PLEKHA7: variants seen among roughly 807,000 people sequenced by gnomAD.
PLEKHA7 encodes pleckstrin homology domain containing A7.
PLEKHA7 carries 104 observed loss-of-function variants against 170.0 expected under a neutral mutation model. That is an observed-to-expected ratio of 0.61 (90% CI 0.52 to 0.72). The LOEUF (loss-of-function observed/expected upper bound fraction) is 0.72. Ranked by LOEUF, PLEKHA7 falls within the 30% of genes least tolerant of loss-of-function variation. The pLI, the probability that PLEKHA7 is intolerant of heterozygous loss-of-function variation, is 0.00. For missense variants in PLEKHA7, 1,615 were observed against 1,671.7 expected (o/e 0.97, Z 0.59); for synonymous variants, 648 against 660.8 (o/e 0.98, Z 0.30).
chr11:17,007,320 G>GA (rs1285367997), intron 3 of PLEKHA7, among the ~76,000 whole-genome samples: 12 of 151,624 alleles, frequency 7.9e-5, no homozygotes, highest in South Asian at 4.2e-4. Flanking sequence ...ACATTAAATA[G>GA]AAAAAAAAAT....
intron 19 of PLEKHA7, among the ~76,000 whole-genome samples, chr11:16,792,597 G>A (rs892840252): frequency 6.6e-6 from 1 of 151,920 alleles, no homozygotes; most frequent in Non-Finnish European, 1.5e-5. Context: ...ACTTCTGGCA[G>A]ACAGGAAGCA....
intron 4 of PLEKHA7, among the ~76,000 whole-genome samples, chr11:16,856,559 AG>A (rs1469845058): frequency 6.6e-6 from 1 of 152,142 alleles, no homozygotes; most frequent in Non-Finnish European, 1.5e-5. Context: ...TTGGGCCCCC[AG>A]TAAGAATATC....
intron 3 of PLEKHA7, among the ~76,000 whole-genome samples, chr11:16,997,859 C>G (rs550118589): frequency 6.6e-6 from 1 of 152,170 alleles, no homozygotes. Flanking sequence ...CTGACCTGTG[C>G]GAAGCTCGAG....
At chr11:16,858,539 C>G (rs2135502728) in intron 4 of PLEKHA7, among the ~76,000 whole-genome samples, 1 of 150,742 alleles carries the variant, frequency 6.6e-6, no homozygotes, top group Non-Finnish European at 1.5e-5. Flanking sequence ...GTTGCCCAGG[C>G]TGGAGTGCAA....
At chr11:16,955,628 C>T (rs1445186761) in intron 3 of PLEKHA7, among the ~76,000 whole-genome samples, 1 of 152,124 alleles carries the variant, frequency 6.6e-6, no homozygotes, top group Non-Finnish European at 1.5e-5. Flanking sequence ...AAAATAACTG[C>T]TTAGATGGAG....
intron 3 of PLEKHA7, among the ~76,000 whole-genome samples, chr11:16,920,850 C>T (rs1859035460): frequency 6.6e-6 from 1 of 152,236 alleles, no homozygotes; most frequent in Non-Finnish European, 1.5e-5. Context: ...TAGAGCCTCA[C>T]CCGTGGTATC....
At chr11:16,806,961 G>A (rs895351101) in intron 13 of PLEKHA7, among the ~76,000 whole-genome samples, 17 of 152,352 alleles carry the variant, frequency 1.1e-4, no homozygotes, top group African/African-American at 3.6e-4. Flanking sequence ...CAGATGAGAG[G>A]CTCAGCCTGG....
In PLEKHA7 at chr11:16,813,566, T is replaced by C. The variant is rs182315127; in HGVS notation, c.1954-400A>G. Reference sequence around the variant, plus strand: ...ACTCCAATTCCATCCATCAAACCTTTGGTCTGGATCACTTCACATGCATGA... The same window carrying C: ...ACTCCAATTCCATCCATCAAACCTTCGGTCTGGATCACTTCACATGCATGA... On this transcript the variant is annotated intron_variant, in intron 12 of 26. Transcript: ENST00000531066. 7.4e-4 allele frequency among the ~76,000 whole-genome samples: 112 copies of C among 152,270 alleles called. 1 individual carries two copies. The highest frequency in any genetic ancestry group is 2.6e-3 in the African/African-American group (109 of 41,554).
chr11:16,845,879 T>C (rs1387663396), intron 8 of PLEKHA7, among the ~76,000 whole-genome samples: 1 of 152,018 alleles, frequency 6.6e-6, no homozygotes. Context: ...TTGCAGGTAA[T>C]ACCTGCAGGC....
chr11:16,854,324 G>A (rs1239949497), intron 6 of PLEKHA7, among the ~76,000 whole-genome samples: 1 of 152,206 alleles, frequency 6.6e-6, no homozygotes, highest in South Asian at 2.1e-4. Context: ...CGGGGAAGGA[G>A]AATCTGGTGA....
intron 4 of PLEKHA7, among the ~76,000 whole-genome samples, chr11:16,869,383 T>G (rs1227577512): frequency 6.6e-6 from 1 of 152,228 alleles, no homozygotes; most frequent in African/African-American, 2.4e-5. Context: ...CTGGCTAACC[T>G]GGGACGGCAT....
chr11:16,925,632 G>C (rs1859465561), intron 3 of PLEKHA7, among the ~76,000 whole-genome samples: 1 of 152,186 alleles, frequency 6.6e-6, no homozygotes, highest in Admixed American at 6.5e-5. Flanking sequence ...GAGCCCGGGC[G>C]GGCCACCGGT....
At chr11:17,012,581 G>A (rs1022770648) in intron 3 of PLEKHA7, among the ~76,000 whole-genome samples, 1 of 152,152 alleles carries the variant, frequency 6.6e-6, no homozygotes, top group Non-Finnish European at 1.5e-5. Context: ...TAGTAACCAC[G>A]ATCTGATATT....
intron 26 of PLEKHA7, chr11:16,781,242 GAT>G (rs1370959776): frequency 1.3e-5 from 2 of 152,972 alleles, no homozygotes; most frequent in African/African-American, 2.4e-5. Context: ...GCAGTTCCTG[GAT>G]ATGTTTCTGA....
intron 3 of PLEKHA7, among the ~76,000 whole-genome samples, chr11:16,915,349 G>A (rs1188096442): frequency 6.6e-6 from 1 of 152,098 alleles, no homozygotes; most frequent in African/African-American, 2.4e-5. Context: ...TGGCCAAGTG[G>A]ACTTTTTTAT....
intron 9 of PLEKHA7, among the ~76,000 whole-genome samples, chr11:16,828,059 T>C (rs1229364326): frequency 6.6e-6 from 1 of 152,176 alleles, no homozygotes; most frequent in Non-Finnish European, 1.5e-5. Context: ...AATGCCAACA[T>C]AACGTGAAAA....
intron 5 of PLEKHA7, 96 bp from the exon 6 acceptor site, chr11:16,855,089 A>G: frequency 4.2e-6 from 4 of 956,154 alleles, no homozygotes; most frequent in Non-Finnish European, 6.6e-6. Context: ...TCTCTGCCTC[A>G]CTCTAAATGG....
At chr11:16,936,661 T>C (rs1010146504) in intron 3 of PLEKHA7, among the ~76,000 whole-genome samples, 2 of 152,210 alleles carry the variant, frequency 1.3e-5, no homozygotes, top group Non-Finnish European at 2.9e-5. Context: ...CTTTAATGCA[T>C]CTGCACTTCA....
At chr11:16,892,406 TTGTGTGTGTG>T (rs58762762) in intron 3 of PLEKHA7, among the ~76,000 whole-genome samples, 1 of 136,808 alleles carries the variant, frequency 7.3e-6, no homozygotes. Context: ...TTGTTTTATT[TTGTGTGTGTG>T]TGTGTGTGTG....
Sources: allele counts gnomAD v4.1 joint callset (sites outside exome capture counted in the v4.1 genomes callset), GRCh38; gene constraint gnomAD v4.1.1; transcripts MANE v1.5; gene names NCBI Gene and HGNC (gene_info 2026-07-23, HGNC 2026-07-21).